The following CREB3L2 variants were observed in gnomAD, a reference collection of about 807,000 sequenced individuals.
CREB3L2 encodes the protein cyclic AMP-responsive element-binding protein 3-like protein 2.
CREB3L2 carries 23 observed loss-of-function variants against 57.2 expected under a neutral mutation model. The ratio of observed to expected loss-of-function variants is 0.40; its 90% CI spans 0.29 to 0.57. The LOEUF is 0.57. Ranked by LOEUF, CREB3L2 falls within the 20% of genes least tolerant of loss-of-function variation. CREB3L2 has a pLI of 0.42. For missense variants in CREB3L2, 628 were observed against 634.7 expected (o/e 0.99, Z 0.11); for synonymous variants, 268 against 265.1 (o/e 1.01, Z -0.11).
intron 2 of CREB3L2, among the ~76,000 whole-genome samples, chr7:137,923,981 C>T (rs902465535): frequency 6.6e-6 from 1 of 152,130 alleles, no homozygotes; most frequent in African/African-American, 2.4e-5. Flanking sequence ...TCCCACTTAC[C>T]CCATGTGACT....
chr7:137,991,382 T>G (rs1192821175), intron 1 of CREB3L2, among the ~76,000 whole-genome samples: 10 of 151,942 alleles, frequency 6.6e-5, no homozygotes, highest in African/African-American at 2.4e-4. Flanking sequence ...GCCAGGATGG[T>G]CTCGATCTCC....
At chr7:137,951,769 C>A (rs1246360121) in intron 1 of CREB3L2, among the ~76,000 whole-genome samples, 1 of 152,164 alleles carries the variant, frequency 6.6e-6, no homozygotes, top group Non-Finnish European at 1.5e-5. Context: ...ACTGCTTGAA[C>A]CCAGGAGTTC....
intron 2 of CREB3L2, among the ~76,000 whole-genome samples, chr7:137,918,207 T>TTTTGC (rs1800188143): frequency 6.6e-6 from 1 of 151,928 alleles, no homozygotes; most frequent in Admixed American, 6.6e-5. Flanking sequence ...TTTTGTTTTG[T>TTTTGC]TTTGAGACAT....
chr7:137,882,418 T>C lies in CREB3L2; in HGVS notation c.1481A>G (p.Gln494Arg). 4 of 1,612,584 alleles carry C rather than the reference T, an allele frequency of 2.5e-6. No homozygotes were observed. Among genetic ancestry groups the C allele is most frequent in the Non-Finnish European group, 3.4e-6 (4 of 1,178,882 alleles). Residue 494 changes from glutamine to arginine, a missense_variant, in exon 11 of 12, where the codon CAG becomes CGG. Gln to Arg is a conservative substitution (Grantham distance 43, BLOSUM62 1). Around this residue, in one of 3 missense-constraint regions of CREB3L2, gnomAD observed 272 missense variants for 242.7 expected, o/e 1.12. Coordinates refer to ENST00000330387, the MANE Select transcript of CREB3L2 (RefSeq NM_194071.4). ...CTGTGTCTCTATGACTCACAGGTGC[T>C]GCTGCAGCTCCAAAAGCACTGACTT... ...LEKSVLLELQ[Q>R]HLVSAKLEGN...
At chr7:137,981,192 G>T (rs912196762) in intron 1 of CREB3L2, among the ~76,000 whole-genome samples, 2 of 152,108 alleles carry the variant, frequency 1.3e-5, no homozygotes, top group Non-Finnish European at 2.9e-5. Flanking sequence ...GGAGAGCAAA[G>T]GAGACAAAAA....
chr7:137,886,309 A>G (rs949151780), intron 8 of CREB3L2, among the ~76,000 whole-genome samples: 9 of 152,202 alleles, frequency 5.9e-5, no homozygotes. Context: ...ACCAGCAGAG[A>G]ACAACAGAAG....
intron 1 of CREB3L2, among the ~76,000 whole-genome samples, chr7:137,954,432 C>T (rs1240099481): frequency 1.3e-5 from 2 of 152,138 alleles, no homozygotes; most frequent in African/African-American, 4.8e-5. Flanking sequence ...CTCAGAGGTT[C>T]CTGTTTGCTC....
intron 8 of CREB3L2, among the ~76,000 whole-genome samples, chr7:137,900,944 C>G (rs1799740904): frequency 6.6e-6 from 1 of 152,200 alleles, no homozygotes; most frequent in African/African-American, 2.4e-5. Context: ...TCAGGAGAAT[C>G]AGGCTTGTTG....
At chr7:137,943,190 C>A (rs565541066) in intron 1 of CREB3L2, among the ~76,000 whole-genome samples, 2 of 152,280 alleles carry the variant, frequency 1.3e-5, no homozygotes, top group South Asian at 4.2e-4. Flanking sequence ...AGGCCCCCTG[C>A]GGCTCTGGTA....
At chr7:137,936,597 C>T (rs941726176) in intron 1 of CREB3L2, among the ~76,000 whole-genome samples, 1 of 152,096 alleles carries the variant, frequency 6.6e-6, no homozygotes, top group Non-Finnish European at 1.5e-5. Context: ...GCCTGACAAC[C>T]TAATGCTCCT....
Position 137,928,172 on chromosome 7 carries a change from G to A in CREB3L2, c.297C>T (p.Thr99=). ...PRAQSPFTHI[T]TSDSFNDDEV... ...TACCGTCATTGAAGCTGTCACTGGT[G>A]GTAATGTGGGTGAAGGGCGACTGGG... Residue 99 remains threonine (T), a synonymous_variant, in exon 2 of 12, where the codon ACC becomes ACT. Transcript: ENST00000330387. 3 of 1,462,206 alleles carry A rather than the reference G, an allele frequency of 2.1e-6. No individual in the cohort carries two copies. Among genetic ancestry groups the A allele is most frequent in the Non-Finnish European group, 2.8e-6 (3 of 1,078,588 alleles). 90.6% of individuals were successfully genotyped at this position (1,462,206 alleles called of 1,614,324 possible). A position where few individuals can be genotyped will look rare whatever the true frequency, so the allele number is the denominator to read the frequency against.
rs201240933 is a variant in CREB3L2, at chr7:137,946,764, GTT to G, written c.103-18400_103-18399del. Among the ~76,000 whole-genome samples, 3 of 64,880 alleles carry G rather than the reference GTT, an allele frequency of 4.6e-5. 1 individual carries two copies. Among genetic ancestry groups the G allele is most frequent in the Non-Finnish European group, 5.3e-5 (2 of 37,844 alleles). 42.6% of individuals were successfully genotyped at this position (64,880 alleles called of 152,430 possible). On this transcript the variant is annotated intron_variant, in intron 1 of 11. Coordinates refer to ENST00000330387, the MANE Select transcript of CREB3L2 (RefSeq NM_194071.4). Reference sequence around the variant, plus strand: ...ATAGTTTTTTATAGTTATCTATATAGTTTAGTTATCTATATAGTTATCTATAT... The same window carrying G: ...ATAGTTTTTTATAGTTATCTATATAGTAGTTATCTATATAGTTATCTATAT...
At chr7:137,994,269 G>A (rs773285534) in intron 1 of CREB3L2, among the ~76,000 whole-genome samples, 88 of 152,340 alleles carry the variant, frequency 5.8e-4, no homozygotes, top group Non-Finnish European at 1.2e-3. Context: ...GGCTGAGGCC[G>A]GCAGTTTTAG....
intron 1 of CREB3L2, among the ~76,000 whole-genome samples, chr7:137,990,556 T>C (rs1014863035): frequency 6.6e-6 from 1 of 152,148 alleles, no homozygotes; most frequent in African/African-American, 2.4e-5. Context: ...GTTCCTCGAA[T>C]TGGAGGAAGG....
chr7:137,990,896 AT>A (rs933250509), intron 1 of CREB3L2, among the ~76,000 whole-genome samples: 8 of 151,760 alleles, frequency 5.3e-5, no homozygotes, highest in Admixed American at 6.6e-5. Flanking sequence ...CTGTTTGCAG[AT>A]TTTTTTTTCC....
chr7:137,938,572 C>T (rs1186522544), intron 1 of CREB3L2, among the ~76,000 whole-genome samples: 1 of 152,084 alleles, frequency 6.6e-6, no homozygotes, highest in Non-Finnish European at 1.5e-5. Context: ...TCTCGAACTC[C>T]TGATCTTGTG....
intron 2 of CREB3L2, among the ~76,000 whole-genome samples, chr7:137,921,235 CT>C (rs1800268208): frequency 2.0e-5 from 3 of 152,200 alleles, no homozygotes; most frequent in Admixed American, 2.0e-4. Context: ...AAAAACATCC[CT>C]GGTAAAGTTT....
chr7:137,889,407 G>A (rs1030111672), intron 8 of CREB3L2, among the ~76,000 whole-genome samples: 8 of 152,102 alleles, frequency 5.3e-5, no homozygotes, highest in Non-Finnish European at 1.0e-4. Flanking sequence ...TGGCATTCAC[G>A]GACACATCCT....
chr7:137,985,049 T>C (rs187003355), intron 1 of CREB3L2, among the ~76,000 whole-genome samples: 191 of 152,330 alleles, frequency 1.3e-3, no homozygotes, highest in Admixed American at 4.4e-3. Context: ...AAAATAAAAA[T>C]GTGTAACTTA....
Sources: gnomAD v4.1 joint callset for allele counts (sites outside exome capture counted in the v4.1 genomes callset) on GRCh38, gnomAD v4.1.1 for gene constraint, gnomAD v4.1.1 regional missense constraint, MANE v1.5 for transcripts, NCBI Gene and HGNC (gene_info 2026-07-23, HGNC 2026-07-21) for gene names.